PCDHA8: variants seen among roughly 807,000 people sequenced by gnomAD.
The protein encoded by PCDHA8 is protocadherin alpha-8.
A neutral mutation model predicts 61.8 loss-of-function variants in PCDHA8; 53 were observed. The observed-to-expected ratio is 0.86, with a 90% CI of 0.69 to 1.08. PCDHA8 has a LOEUF of 1.08. Among genes scored for constraint, PCDHA8 ranks in the 50% least tolerant of loss-of-function variants. The probability of loss-of-function intolerance (pLI) is 0.00; values close to 1 mark genes in which losing one functional copy is unlikely to be tolerated. For missense variants in PCDHA8, 1,293 were observed against 1,245.0 expected, an observed-to-expected ratio of 1.04 and a Z score of -0.58; for synonymous variants, 618 against 556.6, an observed-to-expected ratio of 1.11 and a Z score of -1.55.
chr5:140,847,504 T>C (rs1781050995), intron 1 of PCDHA8: 1 of 149,690 alleles, frequency 6.7e-6, no homozygotes. Flanking sequence ...ACAACAAAAC[T>C]TTGTAGAACT....
chr5:140,967,779 C>G, intron 1 of PCDHA8: 1 of 1,614,222 alleles, frequency 6.2e-7, no homozygotes, highest in Non-Finnish European at 8.5e-7. Flanking sequence ...GTGCAGGCGA[C>G]TGACCGGGGT....
intron 1 of PCDHA8, among the ~76,000 whole-genome samples, chr5:140,925,792 T>C (rs918762181): frequency 6.6e-6 from 1 of 152,170 alleles, no homozygotes. Flanking sequence ...AGTATCTCAG[T>C]ACTTTCCCCT....
intron 1 of PCDHA8, chr5:140,883,364 A>T (rs782725621): frequency 6.2e-7 from 1 of 1,614,168 alleles, no homozygotes; most frequent in African/African-American, 1.3e-5. Context: ...CACTCAGCCT[A>T]GCGCCATTAT....
chr5:140,932,583 G>A (rs1007147257), intron 1 of PCDHA8, among the ~76,000 whole-genome samples: 29 of 151,810 alleles, frequency 1.9e-4, no homozygotes, highest in Admixed American at 1.8e-3. Flanking sequence ...AGGGTAATTA[G>A]ATGTTTTGTA....
intron 1 of PCDHA8, chr5:140,869,517 A>G: frequency 6.2e-7 from 1 of 1,614,200 alleles, no homozygotes; most frequent in Non-Finnish European, 8.5e-7. Flanking sequence ...TCAGAGAACA[A>G]AAGCTGCTGA....
Position 140,882,649 on chromosome 5 carries a change from C to G in PCDHA8, c.2394+38934C>G, listed in dbSNP as rs559940161. The G allele has an allele frequency of 3.7e-6, 6 of 1,614,096 alleles. No homozygotes were observed. In the Admixed American group the frequency reaches 1.0e-4, roughly 27 times the overall value. On this transcript the variant is annotated intron_variant, in intron 1 of 3. Coordinates refer to ENST00000531613, the MANE Select transcript of PCDHA8 (RefSeq NM_018911.3). ...TGGAGGTGAAGGTGAGGGACATTAACGACAACCCGCCCATATTCCCTGAAA... is the reference window on the plus strand; with the variant it reads ...TGGAGGTGAAGGTGAGGGACATTAAGGACAACCCGCCCATATTCCCTGAAA...
At chr5:140,859,848 G>C (rs1455422999) in intron 1 of PCDHA8, 1 of 151,860 alleles carries the variant, frequency 6.6e-6, no homozygotes, top group South Asian at 2.1e-4. Flanking sequence ...TTATCAAATA[G>C]GTTTATGAAA....
At chr5:140,929,298 A>G (rs1554206937) in intron 1 of PCDHA8, 26 of 1,591,722 alleles carry the variant, frequency 1.6e-5, no homozygotes, top group Non-Finnish European at 2.1e-5. Context: ...GGAATAGGAA[A>G]GGGGATCACG....
chr5:140,846,638 T>A (rs1554141417), intron 1 of PCDHA8, among the ~76,000 whole-genome samples: 1 of 149,216 alleles, frequency 6.7e-6, no homozygotes, highest in Non-Finnish European at 1.5e-5. Flanking sequence ...CCTCCTAAAG[T>A]GCTGGGATTA....
chr5:140,885,792 C>T (rs2060715375), intron 1 of PCDHA8, among the ~76,000 whole-genome samples: 1 of 151,834 alleles, frequency 6.6e-6, no homozygotes, highest in Non-Finnish European at 1.5e-5. Context: ...AGCATATTGT[C>T]ATATGTATTT....
intron 1 of PCDHA8, chr5:140,866,442 T>C (rs2049360062): frequency 6.6e-6 from 1 of 151,872 alleles, no homozygotes; most frequent in Non-Finnish European, 1.5e-5. Flanking sequence ...TCTTCTTCAG[T>C]CTTATTGTTG....
chr5:140,852,292 T>C (rs1554145741), intron 1 of PCDHA8: 1 of 478,914 alleles, frequency 2.1e-6, no homozygotes, highest in African/African-American at 2.1e-5. Context: ...CTTTTTATTT[T>C]TCTGAGACGG....
chr5:140,900,271 G>A (rs1055315411), intron 1 of PCDHA8, among the ~76,000 whole-genome samples: 2 of 151,762 alleles, frequency 1.3e-5, no homozygotes, highest in Non-Finnish European at 2.9e-5. Flanking sequence ...TTGTGTATAT[G>A]TACCACACTT....
In PCDHA8 at chr5:140,968,153, A is replaced by G; in HGVS notation, c.2395-10796A>G. 2 of 1,614,142 alleles carry G rather than the reference A, an allele frequency of 1.2e-6. No individual in the cohort carries two copies. The highest frequency in any genetic ancestry group is 8.5e-7 in the Non-Finnish European group (1 of 1,180,046). On this transcript the variant is annotated intron_variant, in intron 1 of 3. Coordinates refer to ENST00000531613, the MANE Select transcript of PCDHA8 (RefSeq NM_018911.3). ...ACTGAAGGTTGAGATCTCTGACATC[A>G]ATGACAATCCACCAAGCTTCCTGGA...
At chr5:140,869,532 G>A (rs917843661) in intron 1 of PCDHA8, 3 of 1,614,130 alleles carry the variant, frequency 1.9e-6, no homozygotes, top group Non-Finnish European at 1.7e-6. Flanking sequence ...TGCTGATTGC[G>A]GAATCTAAGC....
rs781970996 is a variant in PCDHA8 at position 140,869,968 on chromosome 5, A to AT, written c.2394+26253_2394+26254insT. 5 of 1,613,220 alleles carry AT rather than the reference A, an allele frequency of 3.1e-6. No homozygotes were observed. The South Asian group carries it at 5.5e-5, about 18-fold the overall frequency. On this transcript the variant is annotated intron_variant, in intron 1 of 3. Coordinates refer to ENST00000531613, the MANE Select transcript of PCDHA8 (RefSeq NM_018911.3). ...CTTAATGTCAATTAAGCCCAATGGA[A>AT]GACACTTATTTACACTAGATCAAAA...
At chr5:140,929,592 C>A in intron 1 of PCDHA8, 1 of 424,552 alleles carries the variant, frequency 2.4e-6, no homozygotes, top group Non-Finnish European at 4.2e-6. Flanking sequence ...ACATAAAGGT[C>A]TAAAATTAAA....
chr5:140,857,031 C>T (rs782539359), intron 1 of PCDHA8: 1 of 1,596,318 alleles, frequency 6.3e-7, no homozygotes, highest in Non-Finnish European at 8.6e-7. Flanking sequence ...GGAAACCCAC[C>T]TATGGTTGGT....
chr5:140,908,834 G>A (rs915665508), intron 1 of PCDHA8, among the ~76,000 whole-genome samples: 64 of 152,226 alleles, frequency 4.2e-4, no homozygotes, highest in African/African-American at 1.4e-3. Flanking sequence ...CGATAAATGG[G>A]CTGGAGTAAC....
Sources: allele counts gnomAD v4.1 joint callset (sites outside exome capture counted in the v4.1 genomes callset), GRCh38; gene constraint gnomAD v4.1.1; transcripts MANE v1.5; gene names NCBI Gene and HGNC (gene_info 2026-07-23, HGNC 2026-07-21).